Variants in HCN1 observed in about 807,000 individuals in gnomAD.
The protein encoded by HCN1 is potassium/sodium hyperpolarization-activated cyclic nucleotide-gated channel 1.
In HCN1, 13 loss-of-function variants were observed where a neutral mutation model predicts 78.9. That is an observed-to-expected ratio of 0.16 (90% CI 0.11 to 0.26). The LOEUF is 0.26. Ranked by LOEUF, HCN1 falls within the 10% of genes least tolerant of loss-of-function variation. The pLI is 1.00. For missense variants in HCN1, 810 were observed against 1,154.3 expected, an observed-to-expected ratio of 0.70 and a Z score of 4.32; for synonymous variants, 552 against 455.5, an observed-to-expected ratio of 1.21 and a Z score of -2.70.
intron 4 of HCN1, among the ~76,000 whole-genome samples, chr5:45,383,432 A>C (rs1038282732): frequency 6.6e-5 from 10 of 152,290 alleles, no homozygotes; most frequent in African/African-American, 2.4e-4. Context: ...ACGATGGCTC[A>C]TGCCTGTAAT....
intron 2 of HCN1, among the ~76,000 whole-genome samples, chr5:45,492,288 C>T (rs1456852949): frequency 7.0e-6 from 1 of 143,516 alleles, no homozygotes; most frequent in African/African-American, 2.6e-5. Flanking sequence ...CTCACCAAAA[C>T]TCTGTGTATG....
chr5:45,301,712 C>T (rs1236642765), intron 6 of HCN1, among the ~76,000 whole-genome samples: 4 of 143,116 alleles, frequency 2.8e-5, no homozygotes, highest in Non-Finnish European at 4.5e-5. Flanking sequence ...CAGAGAGATA[C>T]CCTGTCATTT....
At chr5:45,445,060 C>T (rs368192993) in intron 3 of HCN1, among the ~76,000 whole-genome samples, 8 of 152,288 alleles carry the variant, frequency 5.3e-5, no homozygotes, top group South Asian at 2.1e-4. Flanking sequence ...GCGCACCGTG[C>T]GTGAGCCGAA....
intron 3 of HCN1, among the ~76,000 whole-genome samples, chr5:45,434,341 C>A (rs1179062630): frequency 6.6e-6 from 1 of 152,188 alleles, no homozygotes; most frequent in Admixed American, 6.5e-5. Context: ...TGCACCAGCA[C>A]TGTTTCAATC....
intron 5 of HCN1, among the ~76,000 whole-genome samples, chr5:45,327,870 C>A (rs1746267473): frequency 6.6e-6 from 1 of 151,596 alleles, no homozygotes; most frequent in African/African-American, 2.4e-5. Context: ...ACTAGACCTG[C>A]CAATACCTCG....
At chr5:45,558,781 T>C (rs1222016401) in intron 2 of HCN1, 1 of 152,082 alleles carries the variant, frequency 6.6e-6, no homozygotes, top group African/African-American at 2.4e-5. Context: ...TTTATTTATT[T>C]ATTTAGATAC....
At chr5:45,413,446 C>A (rs1740062267) in intron 3 of HCN1, among the ~76,000 whole-genome samples, 1 of 152,004 alleles carries the variant, frequency 6.6e-6, no homozygotes, top group South Asian at 2.1e-4. Flanking sequence ...TATTATTAGT[C>A]AGCCCAACAC....
intron 2 of HCN1, among the ~76,000 whole-genome samples, chr5:45,592,397 C>T (rs1180886776): frequency 6.6e-6 from 1 of 151,954 alleles, no homozygotes; most frequent in Non-Finnish European, 1.5e-5. Flanking sequence ...ATTTGATTGG[C>T]TTTTGATATT....
intron 1 of HCN1, among the ~76,000 whole-genome samples, chr5:45,659,153 C>T (rs1029233837): frequency 2.7e-5 from 4 of 150,538 alleles, no homozygotes; most frequent in Non-Finnish European, 4.5e-5. Context: ...ACCCCTGACC[C>T]CCGAGCAGCC....
At chr5:45,491,595 T>C (rs1449478755) in intron 2 of HCN1, among the ~76,000 whole-genome samples, 3 of 152,206 alleles carry the variant, frequency 2.0e-5, no homozygotes, top group Non-Finnish European at 4.4e-5. Flanking sequence ...GCCTCATTCA[T>C]TTGTTTACTT....
At chr5:45,279,173 A>G (rs1209059153) in intron 6 of HCN1, among the ~76,000 whole-genome samples, 1 of 152,182 alleles carries the variant, frequency 6.6e-6, no homozygotes, top group Non-Finnish European at 1.5e-5. Context: ...GTGAGGAATT[A>G]GGTCAAACAG....
intron 2 of HCN1, among the ~76,000 whole-genome samples, chr5:45,485,949 T>C (rs1385039474): frequency 6.6e-6 from 1 of 152,166 alleles, no homozygotes; most frequent in Non-Finnish European, 1.5e-5. Flanking sequence ...ATAATACAAG[T>C]AGCTACCATA....
At chr5:45,622,556 G>C (rs1745089652) in intron 2 of HCN1, among the ~76,000 whole-genome samples, 1 of 152,078 alleles carries the variant, frequency 6.6e-6, no homozygotes, top group African/African-American at 2.4e-5. Context: ...AATTAAAGCT[G>C]ATTGGATGAC....
intron 5 of HCN1, among the ~76,000 whole-genome samples, chr5:45,327,180 G>A (rs962718918): frequency 1.3e-5 from 2 of 151,510 alleles, no homozygotes; most frequent in Non-Finnish European, 3.0e-5. Context: ...TGCCCAATAG[G>A]AGTTAAGTCT....
chr5:45,500,803 A>C (rs537957586), intron 2 of HCN1, among the ~76,000 whole-genome samples: 4 of 152,304 alleles, frequency 2.6e-5, no homozygotes, highest in African/African-American at 9.6e-5. Context: ...TTTGAGAAAA[A>C]AATAATGTCT....
At chr5:45,468,217 T>C (rs1034945355) in intron 2 of HCN1, among the ~76,000 whole-genome samples, 5 of 152,244 alleles carry the variant, frequency 3.3e-5, no homozygotes, top group Admixed American at 3.3e-4. Context: ...GATATGATGA[T>C]ACCTTTGAAA....
chr5:45,262,651 T>G lies in HCN1; in HGVS notation c.1943A>C (p.Asn648Thr). ...CGGGGTCGTAGTAGACGATGTGGAA[T>G]TCAGGGTTGTCATTTGAGGATAATT... ...PINYPQMTTL[N>T]STSSTTTPTS... Residue 648 changes from asparagine (N) to threonine (T), a missense_variant, in exon 8 of 8, where the codon AAT (asparagine) becomes ACT (threonine). Physicochemically the swap from Asn to Thr is moderately conservative, Grantham distance 65 (BLOSUM62 0). Around this residue, in one of 6 missense-constraint regions of HCN1, gnomAD observed 398 missense variants for 381.3 expected, o/e 1.04. Coordinates refer to ENST00000303230, the MANE Select transcript of HCN1 (RefSeq NM_021072.4). 6.2e-7 allele frequency: 1 copy of G among 1,614,058 alleles called. No individual in the cohort carries two copies. The highest frequency in any genetic ancestry group is 2.2e-5 in the East Asian group (1 of 44,870).
intron 6 of HCN1, among the ~76,000 whole-genome samples, chr5:45,288,950 G>T (rs1380990345): frequency 6.6e-6 from 1 of 152,020 alleles, no homozygotes; most frequent in Non-Finnish European, 1.5e-5. Context: ...CCAGCCATCT[G>T]TCCACCAGCA....
At position 45,498,159 on chromosome 5, in the gene HCN1, T is replaced by C. The variant is rs184455473; in HGVS notation, c.850-36152A>G. 3.3e-5 allele frequency among the ~76,000 whole-genome samples: 5 copies of C among 152,340 alleles called. No individual in the cohort carries two copies. The East Asian group carries it at 9.7e-4, about 29-fold the overall frequency. ...CCTTGCTAGACTGGGGAAGTTCTCC[T>C]GGATAATGTCCTGCAGAGTGTTTTC... On this transcript the variant is annotated intron_variant, in intron 2 of 7. Transcript: ENST00000303230.
Sources: allele counts gnomAD v4.1 joint callset (sites outside exome capture counted in the v4.1 genomes callset), GRCh38; gene constraint gnomAD v4.1.1; regional missense constraint gnomAD v4.1.1; transcripts MANE v1.5; gene names NCBI Gene and HGNC (gene_info 2026-07-23, HGNC 2026-07-21).